The following DAB1 variants were observed in gnomAD, a reference collection of about 807,000 sequenced individuals.
DAB1 encodes disabled homolog 1.
DAB1 carries 15 observed loss-of-function variants against 64.6 expected under a neutral mutation model. That is an observed-to-expected ratio of 0.23 (90% CI 0.16 to 0.36). The LOEUF (loss-of-function observed/expected upper bound fraction) is 0.36, where lower values mean the gene tolerates loss of function less well. Ranked by LOEUF, DAB1 falls within the 10% of genes least tolerant of loss-of-function variation. The pLI, the probability that DAB1 is intolerant of heterozygous loss-of-function variation, is 1.00. For missense variants in DAB1, 596 were observed against 706.7 expected (o/e 0.84, Z 1.78); for synonymous variants, 235 against 251.9 (o/e 0.93, Z 0.64).
At chr1:57,913,506 G>T (rs1322141905) in intron 5 of DAB1, among the ~76,000 whole-genome samples, 1 of 152,158 alleles carries the variant, frequency 6.6e-6, no homozygotes, top group African/African-American at 2.4e-5. Flanking sequence ...AGGAAACATA[G>T]GCAATACCAT....
chr1:57,475,207 G>A (rs1351566783), intron 7 of DAB1, among the ~76,000 whole-genome samples: 3 of 152,194 alleles, frequency 2.0e-5, no homozygotes. Flanking sequence ...AACCCAGGAG[G>A]TGGAGGTTGC....
intron 4 of DAB1, among the ~76,000 whole-genome samples, chr1:58,237,188 A>G (rs1280151432): frequency 6.6e-6 from 1 of 152,210 alleles, no homozygotes; most frequent in Non-Finnish European, 1.5e-5. Context: ...TTCCTTGCAC[A>G]CAGTAGGGGT....
intron 2 of DAB1, among the ~76,000 whole-genome samples, chr1:57,255,878 C>A (rs150821128): frequency 3.3e-5 from 5 of 152,190 alleles, no homozygotes; most frequent in Non-Finnish European, 5.9e-5. Flanking sequence ...AAAATTACTG[C>A]ATTCAAGAGG....
At chr1:57,448,769 GACACACACACAC>G (rs59445697) in intron 7 of DAB1, among the ~76,000 whole-genome samples, 100 of 150,502 alleles carry the variant, frequency 6.6e-4, no homozygotes, top group African/African-American at 2.0e-3. Context: ...TAGCAATTCT[GACACACACACAC>G]ACACACACAC....
At chr1:57,997,694 G>A (rs534302525) in intron 5 of DAB1, among the ~76,000 whole-genome samples, 1 of 152,224 alleles carries the variant, frequency 6.6e-6, no homozygotes, top group African/African-American at 2.4e-5. Context: ...TAGAAGTGGG[G>A]TCTGAGGGGA....
chr1:57,850,159 G>A (rs1653454733), intron 1 of DAB1, among the ~76,000 whole-genome samples: 1 of 152,170 alleles, frequency 6.6e-6, no homozygotes, highest in Non-Finnish European at 1.5e-5. Flanking sequence ...AGGGGCTGAG[G>A]GTCTTACAGC....
intron 6 of DAB1, among the ~76,000 whole-genome samples, chr1:57,793,934 T>C (rs1360653389): frequency 2.6e-5 from 4 of 152,166 alleles, no homozygotes; most frequent in African/African-American, 4.8e-5. Flanking sequence ...TGATGGGGCA[T>C]AGCATTTGTC....
intron 5 of DAB1, among the ~76,000 whole-genome samples, chr1:58,058,472 T>C (rs941002050): frequency 5.3e-5 from 8 of 152,174 alleles, no homozygotes; most frequent in African/African-American, 1.9e-4. Flanking sequence ...CGCTCGACTG[T>C]TGCATGGTGC....
At chr1:57,440,626 A>C (rs1218045597) in intron 7 of DAB1, among the ~76,000 whole-genome samples, 2 of 152,152 alleles carry the variant, frequency 1.3e-5, no homozygotes, top group Non-Finnish European at 2.9e-5. Context: ...TTACCAAAGG[A>C]TGCTAAAGGC....
At chr1:57,625,064 C>T (rs371367840) in intron 7 of DAB1, among the ~76,000 whole-genome samples, 2 of 152,100 alleles carry the variant, frequency 1.3e-5, no homozygotes, top group Admixed American at 6.5e-5. Context: ...GTGTTAAAGA[C>T]GGATGCTGGG....
intron 5 of DAB1, among the ~76,000 whole-genome samples, chr1:57,981,247 G>T (rs1646059942): frequency 6.6e-6 from 1 of 151,914 alleles, no homozygotes; most frequent in Non-Finnish European, 1.5e-5. Flanking sequence ...ATTTTATAGG[G>T]AAAGGATATA....
intron 7 of DAB1, among the ~76,000 whole-genome samples, chr1:57,486,754 G>A (rs1644096949): frequency 1.3e-5 from 2 of 152,016 alleles, no homozygotes; most frequent in African/African-American, 4.8e-5. Context: ...AGATGCAGAG[G>A]AGAATGTCCC....
chr1:56,995,264 AT>A lies in DAB1; in HGVS notation c.*2879del, dbSNP rs1645576198. On this transcript the variant is annotated 3_prime_UTR_variant, in exon 15 of 15. Coordinates refer to ENST00000371236, the MANE Select transcript of DAB1 (RefSeq NM_001365792.1). Reference sequence around the variant, plus strand: ...GAGGAATTAACAGTTGTACACATGGATTTTCTATTGATCTAACCAGAACCGT... The same window carrying A: ...GAGGAATTAACAGTTGTACACATGGATTTCTATTGATCTAACCAGAACCGT... 6.6e-6 allele frequency: 1 copy of A among 152,086 alleles called. No homozygotes were observed. Among genetic ancestry groups the A allele is most frequent in the South Asian group, 2.1e-4 (1 of 4,816 alleles). The allele number at this position is 152,086 out of a possible 1,614,324, so 9.4% of individuals were successfully genotyped here. A position where few individuals can be genotyped will look rare whatever the true frequency, so the allele number is the denominator to read the frequency against.
At chr1:57,096,690 A>G (rs480541) in intron 4 of DAB1, among the ~76,000 whole-genome samples, 93,162 of 151,966 alleles carry the variant, frequency 0.61, 29,121 homozygotes, top group East Asian at 0.85. Flanking sequence ...CCTCTTTCAC[A>G]GGCTCCACTG....
intron 6 of DAB1, among the ~76,000 whole-genome samples, chr1:57,664,182 A>G (rs1448951736): frequency 6.6e-6 from 1 of 152,206 alleles, no homozygotes; most frequent in African/African-American, 2.4e-5. Context: ...TAGATATATT[A>G]TTAGTTCTCT....
chr1:58,327,554 T>G (rs1418547315), intron 4 of DAB1, among the ~76,000 whole-genome samples: 5 of 152,200 alleles, frequency 3.3e-5, no homozygotes, highest in Non-Finnish European at 5.9e-5. Context: ...GCAAATTTCT[T>G]GATTTCTTTG....
At chr1:57,262,682 T>C (rs1670273615) in intron 2 of DAB1, among the ~76,000 whole-genome samples, 1 of 152,256 alleles carries the variant, frequency 6.6e-6, no homozygotes, top group African/African-American at 2.4e-5. Flanking sequence ...ACTGGTGTGA[T>C]GCTTCCCTTT....
At chr1:57,397,483 T>G (rs536773066) in intron 1 of DAB1, among the ~76,000 whole-genome samples, 10 of 152,318 alleles carry the variant, frequency 6.6e-5, no homozygotes, top group Middle Eastern at 3.4e-3. Context: ...TTTGATCAGT[T>G]CCCATTCCAC....
At chr1:58,124,364 T>C (rs1246344173) in intron 5 of DAB1, among the ~76,000 whole-genome samples, 1 of 152,158 alleles carries the variant, frequency 6.6e-6, no homozygotes, top group Admixed American at 6.6e-5. Flanking sequence ...CACTGCTTCC[T>C]TAAATATGGT....
Sources: gnomAD v4.1 joint callset for allele counts (sites outside exome capture counted in the v4.1 genomes callset) on GRCh38, gnomAD v4.1.1 for gene constraint, MANE v1.5 for transcripts, NCBI Gene and HGNC (gene_info 2026-07-23, HGNC 2026-07-21) for gene names.